Variants in REDIC1 observed in about 807,000 individuals in gnomAD.
REDIC1 encodes the protein HEI10 Interacting Protein 1.
chr12:39,694,725 G>A, the REDIC1 span, among the ~76,000 whole-genome samples: 112,080 of 151,944 alleles, frequency 0.74, 42,739 homozygotes, highest in Non-Finnish European at 0.84. Context: ...CCCAGAGACC[G>A]TGGACTGGGG....
chr12:39,653,531 TTCTTCTTTTTC>T, the REDIC1 span, among the ~76,000 whole-genome samples: 20 of 57,046 alleles, frequency 3.5e-4, no homozygotes, highest in African/African-American at 7.5e-4. Flanking sequence ...CTTCTTCTTC[TTCTTCTTTTTC>T]TTCTTCTTCT....
the REDIC1 span, among the ~76,000 whole-genome samples, chr12:39,740,552 A>T: frequency 1.3e-5 from 2 of 152,140 alleles, no homozygotes; most frequent in African/African-American, 4.8e-5. Context: ...GGTATAAGTG[A>T]TACATTAAGG....
chr12:39,767,832 CT>C, the REDIC1 span, among the ~76,000 whole-genome samples: 2 of 152,038 alleles, frequency 1.3e-5, no homozygotes, highest in Non-Finnish European at 2.9e-5. Context: ...GGCTTTTCCC[CT>C]TTTTACTTGG....
chr12:39,835,532 G>A, the REDIC1 span: 35 of 152,210 alleles, frequency 2.3e-4, no homozygotes, highest in South Asian at 1.2e-3. Flanking sequence ...ATAAAATGGA[G>A]TTCTCCTTAT....
chr12:39,684,145 T>G, the REDIC1 span: 2 of 1,008,122 alleles, frequency 2.0e-6, no homozygotes, highest in Non-Finnish European at 2.4e-6. Context: ...GTTCTGAGTT[T>G]AAGGTGATTT....
chr12:39,871,704 A>G, the REDIC1 span: 177 of 1,234,272 alleles, frequency 1.4e-4, no homozygotes, highest in Non-Finnish European at 1.8e-4. Context: ...AGAAACCAAT[A>G]TTAGAAGTGG....
At chr12:39,721,189 A>C in the REDIC1 span, 1 of 1,613,624 alleles carries the variant, frequency 6.2e-7, no homozygotes, top group South Asian at 1.1e-5. Flanking sequence ...CAACCTTGAA[A>C]GGTGCAGTGG....
At chr12:39,713,257 CGTGTATATATGTGTACACACACAT>C in the REDIC1 span, among the ~76,000 whole-genome samples, 2 of 96,154 alleles carry the variant, frequency 2.1e-5, no homozygotes, top group African/African-American at 3.9e-5. Flanking sequence ...CACACACATA[CGTGTATATATGTGTACACACACAT>C]ACGTGTATAT....
chr12:39,670,979 A>T, the REDIC1 span, among the ~76,000 whole-genome samples: 2 of 151,806 alleles, frequency 1.3e-5, no homozygotes, highest in African/African-American at 4.8e-5. Context: ...GTTCTTTGTT[A>T]TCTCACTGAG....
At chr12:39,647,995 G>C in the REDIC1 span, 3 of 1,397,264 alleles carry the variant, frequency 2.1e-6, no homozygotes, top group African/African-American at 4.5e-5. Flanking sequence ...TGAATCATTA[G>C]TTCTTAGCAT....
chr12:39,907,124 C>T, the REDIC1 span, among the ~76,000 whole-genome samples: 1 of 152,210 alleles, frequency 6.6e-6, no homozygotes, highest in East Asian at 1.9e-4. Context: ...GTAGTTACTA[C>T]ATTTTAGTAA....
At chr12:39,826,435 T>A in the REDIC1 span, among the ~76,000 whole-genome samples, 1 of 151,462 alleles carries the variant, frequency 6.6e-6, no homozygotes, top group African/African-American at 2.4e-5. Flanking sequence ...AACAGTTATA[T>A]TTAGATGTAA....
chr12:39,869,651 G>T, the REDIC1 span, among the ~76,000 whole-genome samples: 1 of 152,234 alleles, frequency 6.6e-6, no homozygotes, highest in South Asian at 2.1e-4. Flanking sequence ...GTTTCCCGAG[G>T]AATTGTCTTA....
chr12:39,761,132 T>C, the REDIC1 span, among the ~76,000 whole-genome samples: 12 of 152,112 alleles, frequency 7.9e-5, no homozygotes, highest in Admixed American at 5.9e-4. Flanking sequence ...AATGTGACAA[T>C]TGGCTGGAGA....
the REDIC1 span, among the ~76,000 whole-genome samples, chr12:39,670,947 T>C: frequency 6.6e-6 from 1 of 152,130 alleles, no homozygotes; most frequent in African/African-American, 2.4e-5. Flanking sequence ...GGTTTGCTGA[T>C]TTCTTTGTAT....
the REDIC1 span, among the ~76,000 whole-genome samples, chr12:39,681,395 C>T: frequency 2.0e-5 from 3 of 152,100 alleles, no homozygotes; most frequent in Non-Finnish European, 4.4e-5. Flanking sequence ...ATGGCTGCAC[C>T]AAAATCTCAG....
the REDIC1 span, among the ~76,000 whole-genome samples, chr12:39,647,278 G>T: frequency 6.6e-6 from 1 of 152,072 alleles, no homozygotes; most frequent in Middle Eastern, 3.4e-3. Context: ...ATCCCAAGAT[G>T]ATTTCTCTTT....
At chr12:39,817,407 T>C in the REDIC1 span, among the ~76,000 whole-genome samples, 1 of 128,792 alleles carries the variant, frequency 7.8e-6, no homozygotes, top group Non-Finnish European at 1.8e-5. Context: ...TGTGCTGGCT[T>C]CTAGTTGTGG....
chr12:39,896,260 A>G, the REDIC1 span, among the ~76,000 whole-genome samples: 4 of 94,806 alleles, frequency 4.2e-5, no homozygotes, highest in East Asian at 3.6e-4. Flanking sequence ...ATGTATGTAT[A>G]TGTGTGTATA....
Sources: gnomAD v4.1 joint callset for allele counts (sites outside exome capture counted in the v4.1 genomes callset) on GRCh38, gnomAD v4.1.1 for gene constraint, MANE v1.5 for transcripts, NCBI Gene and HGNC (gene_info 2026-07-23, HGNC 2026-07-21) for gene names.